The following DNAH11 variants were observed in gnomAD, a reference collection of about 807,000 sequenced individuals.
DNAH11 encodes the protein axonemal beta dynein heavy chain 11.
In DNAH11, 442 loss-of-function variants were observed where a neutral mutation model predicts 526.0. The ratio of observed to expected loss-of-function variants is 0.84; its 90% CI spans 0.78 to 0.91. DNAH11 has a LOEUF of 0.91. Ranked by LOEUF, DNAH11 falls within the 40% of genes least tolerant of loss-of-function variation. The pLI is 0.00. For synonymous variants in DNAH11, 2,461 were observed against 1,935.9 expected, an observed-to-expected ratio of 1.27 and a Z score of -7.12; for missense variants, 6,989 against 5,448.7, an observed-to-expected ratio of 1.28 and a Z score of -8.90.
chr7:21,849,122 T>C (rs147317059), intron 66 of DNAH11, among the ~76,000 whole-genome samples: 1,581 of 152,286 alleles, frequency 0.01, 31 homozygotes, highest in African/African-American at 0.036. Context: ...TGACCTCAGG[T>C]GTTCCACCTG....
At chr7:21,738,661 A>T (rs1214378814) in intron 46 of DNAH11, 40 bp from the exon 47 acceptor site, 13 of 1,508,110 alleles carry the variant, frequency 8.6e-6, no homozygotes, top group Middle Eastern at 1.8e-4. Flanking sequence ...GAACATTTAC[A>T]TTCTGTTGAT....
At chr7:21,866,725 G>C in intron 71 of DNAH11, 62 bp downstream of exon 71, 1 of 1,482,950 alleles carries the variant, frequency 6.7e-7, no homozygotes, top group Non-Finnish European at 9.0e-7. Flanking sequence ...GTAGTCTGAA[G>C]AGTTAGGAGG....
intron 23 of DNAH11, 76 bp downstream of exon 23, chr7:21,617,853 T>G: frequency 7.1e-7 from 1 of 1,416,056 alleles, no homozygotes; most frequent in Non-Finnish European, 9.4e-7. Flanking sequence ...TCATCTGAGA[T>G]GAAGTGTAAT....
intron 25 of DNAH11, among the ~76,000 whole-genome samples, chr7:21,630,178 C>G (rs532987964): frequency 2.2e-4 from 34 of 151,794 alleles, no homozygotes; most frequent in Non-Finnish European, 3.5e-4. Flanking sequence ...AAAAAAAAAC[C>G]CAAAGAAAAA....
chr7:21,656,452 G>T (rs897293373), intron 29 of DNAH11, among the ~76,000 whole-genome samples: 3 of 152,190 alleles, frequency 2.0e-5, no homozygotes, highest in African/African-American at 7.2e-5. Flanking sequence ...AGTTGATCGA[G>T]TCTAGCAAGC....
At chr7:21,644,065 A>G (rs555330957) in intron 28 of DNAH11, among the ~76,000 whole-genome samples, 3 of 152,214 alleles carry the variant, frequency 2.0e-5, no homozygotes, top group Non-Finnish European at 4.4e-5. Flanking sequence ...ATCTACACAC[A>G]AGGAAATCTG....
chr7:21,544,533 CAGT>C (rs1249034216), intron 1 of DNAH11, among the ~76,000 whole-genome samples: 2 of 152,154 alleles, frequency 1.3e-5, no homozygotes, highest in Admixed American at 6.5e-5. Context: ...TGGAATGACT[CAGT>C]AGTTGTGGAA....
intron 79 of DNAH11, among the ~76,000 whole-genome samples, chr7:21,897,682 C>T (rs1047571206): frequency 6.6e-6 from 1 of 152,100 alleles, no homozygotes; most frequent in East Asian, 1.9e-4. Flanking sequence ...GTGACGTGAT[C>T]GCAGCTCACT....
At chr7:21,779,797 T>G (rs529954378) in intron 57 of DNAH11, among the ~76,000 whole-genome samples, 17 of 152,310 alleles carry the variant, frequency 1.1e-4, no homozygotes, top group Admixed American at 3.9e-4. Context: ...AGAAAAATTT[T>G]AATACATACT....
intron 63 of DNAH11, among the ~76,000 whole-genome samples, chr7:21,816,147 G>C (rs950077090): frequency 6.6e-6 from 1 of 152,128 alleles, no homozygotes; most frequent in South Asian, 2.1e-4. Context: ...TATATTTCTG[G>C]TGTCCTGCCA....
At chr7:21,676,863 CT>C (rs1374442571) in intron 30 of DNAH11, among the ~76,000 whole-genome samples, 1 of 152,200 alleles carries the variant, frequency 6.6e-6, no homozygotes, top group East Asian at 1.9e-4. Flanking sequence ...CTAAATATCT[CT>C]TTTCTCACTA....
At chr7:21,559,063 G>C (rs576689335) in intron 3 of DNAH11, 65 bp downstream of exon 3, 26 of 1,394,344 alleles carry the variant, frequency 1.9e-5, no homozygotes, top group Non-Finnish European at 2.4e-5. Flanking sequence ...GGTGGCTCAT[G>C]CCTATAATCC....
chr7:21,748,431 A>G (rs972846053), intron 51 of DNAH11, 149 bp from the exon 52 acceptor site: 6 of 853,536 alleles, frequency 7.0e-6, no homozygotes, highest in South Asian at 5.6e-5. Context: ...GGAGGCTGCA[A>G]TGAGCCAAGA....
At chr7:21,835,868 CAAA>C (rs112075174) in intron 65 of DNAH11, among the ~76,000 whole-genome samples, 1 of 117,190 alleles carries the variant, frequency 8.5e-6, no homozygotes, top group African/African-American at 3.0e-5. Flanking sequence ...AAAGACTCCT[CAAA>C]AAAAAAAAAA....
At chr7:21,775,806 G>A (rs1787646823) in intron 56 of DNAH11, among the ~76,000 whole-genome samples, 1 of 152,086 alleles carries the variant, frequency 6.6e-6, no homozygotes, top group South Asian at 2.1e-4. Flanking sequence ...GACGAGGAAG[G>A]AGCTCTGTTT....
chr7:21,804,178 G>A (rs544357207), intron 62 of DNAH11, among the ~76,000 whole-genome samples: 7 of 151,992 alleles, frequency 4.6e-5, no homozygotes, highest in Admixed American at 3.3e-4. Flanking sequence ...GCACCATCTC[G>A]GCTCACTGCA....
chr7:21,749,806 T>G lies in DNAH11; in HGVS notation c.8797+5T>G, dbSNP rs759768772. The G allele has an allele frequency of 6.2e-7, 1 of 1,613,740 alleles. No individual in the cohort carries two copies. Among genetic ancestry groups the G allele is most frequent in the East Asian group, 2.2e-5 (1 of 44,878 alleles). ...TTAATGACTTGCTGGCATCAGGTGA[T>G]TAAACCAACACATTTCTTGAAAGAT... On this transcript the variant is annotated splice_donor_5th_base_variant and intron_variant, in intron 53 of 81. Transcript: ENST00000409508.
At position 21,899,214 on chromosome 7, in the gene DNAH11, C is replaced by T. The variant is rs1054309264; in HGVS notation, c.13050-122C>T. 2.7e-6 allele frequency: 2 copies of T among 744,084 alleles called. 1 individual carries two copies. The highest frequency in any genetic ancestry group is 3.1e-5 in the South Asian group (2 of 64,502). 46.1% of individuals were successfully genotyped at this position (744,084 alleles called of 1,614,324 possible). A position where few individuals can be genotyped will look rare whatever the true frequency, so the allele number is the denominator to read the frequency against. ...GCAAATTGTCAGGGAAGGATTTTAC[C>T]AGCTAGCAGTGGTATACTTCTCCTC... On this transcript the variant is annotated intron_variant, in intron 79 of 81. Transcript: ENST00000409508.
intron 28 of DNAH11, among the ~76,000 whole-genome samples, chr7:21,641,986 TGCCACCAC>T (rs1383982557): frequency 1.3e-5 from 2 of 152,138 alleles, no homozygotes; most frequent in Admixed American, 1.3e-4. Flanking sequence ...TGCTGATAAA[TGCCACCAC>T]GCTAACAAAG....
Sources: gnomAD v4.1 joint callset for allele counts (sites outside exome capture counted in the v4.1 genomes callset) on GRCh38, gnomAD v4.1.1 for gene constraint, MANE v1.5 for transcripts, NCBI Gene and HGNC (gene_info 2026-07-23, HGNC 2026-07-21) for gene names.